Variants in SPIDR observed in about 807,000 individuals in gnomAD.
SPIDR encodes scaffold protein involved in DNA repair, also known as DNA repair-scaffolding protein.
A neutral mutation model predicts 104.6 loss-of-function variants in SPIDR; 93 were observed. That is an observed-to-expected ratio of 0.89 (90% CI 0.75 to 1.06). The LOEUF (loss-of-function observed/expected upper bound fraction) is 1.06. Ranked by LOEUF, SPIDR falls within the 50% of genes least tolerant of loss-of-function variation. The probability of loss-of-function intolerance (pLI) is 0.00; values close to 1 mark genes in which losing one functional copy is unlikely to be tolerated. For synonymous variants in SPIDR, 431 were observed against 416.9 expected (o/e 1.03, Z -0.41); for missense variants, 1,154 against 1,111.2 (o/e 1.04, Z -0.55).
At chr8:47,520,810 G>C (rs1260754730) in intron 8 of SPIDR, among the ~76,000 whole-genome samples, 1 of 152,184 alleles carries the variant, frequency 6.6e-6, no homozygotes, top group Non-Finnish European at 1.5e-5. Context: ...ACCCCATCTT[G>C]CCATCCTATG....
intron 5 of SPIDR, among the ~76,000 whole-genome samples, chr8:47,354,887 C>T (rs1216940353): frequency 2.0e-5 from 3 of 152,064 alleles, no homozygotes; most frequent in African/African-American, 4.8e-5. Flanking sequence ...AAATGATCCT[C>T]CTGCCTCGGC....
intron 10 of SPIDR, among the ~76,000 whole-genome samples, chr8:47,640,716 C>T (rs1325058387): frequency 6.6e-6 from 1 of 151,798 alleles, no homozygotes; most frequent in African/African-American, 2.4e-5. Context: ...CTCGCTCTAT[C>T]GCCCAGGCTG....
At chr8:47,374,449 A>T (rs2058416371) in intron 5 of SPIDR, among the ~76,000 whole-genome samples, 1 of 152,250 alleles carries the variant, frequency 6.6e-6, no homozygotes, top group Non-Finnish European at 1.5e-5. Flanking sequence ...ATTAAACTTT[A>T]TTGCCTAGAA....
intron 11 of SPIDR, among the ~76,000 whole-genome samples, chr8:47,688,745 A>G (rs1415657083): frequency 6.6e-6 from 1 of 152,248 alleles, no homozygotes; most frequent in Non-Finnish European, 1.5e-5. Context: ...TTCAATGGAT[A>G]GTGCTAAACT....
chr8:47,393,847 T>C (rs2060925005), intron 5 of SPIDR, among the ~76,000 whole-genome samples: 1 of 116,168 alleles, frequency 8.6e-6, no homozygotes, highest in African/African-American at 4.7e-5. Context: ...CCCTTTCCCT[T>C]CCTTCCTTCC....
At chr8:47,271,954 C>T (rs2035417116) in intron 1 of SPIDR, among the ~76,000 whole-genome samples, 1 of 151,996 alleles carries the variant, frequency 6.6e-6, no homozygotes, top group East Asian at 1.9e-4. Flanking sequence ...GCAGGCACCA[C>T]CACGCTGGGC....
intron 8 of SPIDR, among the ~76,000 whole-genome samples, chr8:47,519,498 C>T (rs2154379772): frequency 6.6e-6 from 1 of 152,274 alleles, no homozygotes; most frequent in East Asian, 1.9e-4. Flanking sequence ...TGGCTTTGGT[C>T]AAGCGCAGTG....
chr8:47,571,646 T>C (rs2058540537), intron 8 of SPIDR, among the ~76,000 whole-genome samples: 1 of 152,184 alleles, frequency 6.6e-6, no homozygotes, highest in Non-Finnish European at 1.5e-5. Flanking sequence ...TGCCGCCTTA[T>C]TCAAGGAGGA....
chr8:47,693,615 C>G (rs534997253), intron 11 of SPIDR, among the ~76,000 whole-genome samples: 1 of 152,138 alleles, frequency 6.6e-6, no homozygotes, highest in African/African-American at 2.4e-5. Context: ...CCACAGAGAA[C>G]AGACACATAG....
chr8:47,635,476 C>A (rs1038097631), intron 10 of SPIDR, among the ~76,000 whole-genome samples: 5 of 152,024 alleles, frequency 3.3e-5, no homozygotes, highest in Non-Finnish European at 4.4e-5. Flanking sequence ...TCTCTTGTAC[C>A]CCCATAAATA....
chr8:47,590,592 T>A (rs2060888840), intron 8 of SPIDR, among the ~76,000 whole-genome samples: 1 of 152,182 alleles, frequency 6.6e-6, no homozygotes, highest in South Asian at 2.1e-4. Context: ...GGCACATGCA[T>A]TTTGTGGGCA....
intron 10 of SPIDR, among the ~76,000 whole-genome samples, chr8:47,661,470 T>C (rs974349777): frequency 6.6e-5 from 10 of 152,382 alleles, no homozygotes; most frequent in African/African-American, 2.4e-4. Context: ...GTGGGTATTC[T>C]ATGGCAGGAC....
At position 47,599,012 on chromosome 8, in the gene SPIDR, C is replaced by A; in HGVS notation, c.1360C>A (p.Arg454Ser). ...WTHGHKEAKQRIPTSTPLRDS... is the reference protein window; with the variant it reads ...WTHGHKEAKQSIPTSTPLRDS... ...CCATGGGCACAAAGAAGCAAAACAGCGCATCCCAACCAGCACTCCCCTGAG... is the reference window on the plus strand; with the variant it reads ...CCATGGGCACAAAGAAGCAAAACAGAGCATCCCAACCAGCACTCCCCTGAG... Residue 454 changes from arginine to serine, a missense_variant, in exon 10 of 20, where the codon CGC (arginine) becomes AGC (serine). Coordinates refer to ENST00000297423, the MANE Select transcript of SPIDR (RefSeq NM_001080394.4). 1 of 1,613,408 alleles carries A rather than the reference C, an allele frequency of 6.2e-7. No individual in the cohort carries two copies. Among genetic ancestry groups the A allele is most frequent in the Non-Finnish European group, 8.5e-7 (1 of 1,179,642 alleles).
chr8:47,691,579 T>C (rs1174751591), intron 11 of SPIDR, among the ~76,000 whole-genome samples: 1 of 152,098 alleles, frequency 6.6e-6, no homozygotes. Context: ...TAGAAGAGGG[T>C]TTAAGTATGA....
Position 47,713,077 on chromosome 8 carries a change from C to G in SPIDR, c.2188+205C>G, listed in dbSNP as rs572326841. On this transcript the variant is annotated intron_variant, in intron 15 of 19. Coordinates refer to ENST00000297423, the MANE Select transcript of SPIDR (RefSeq NM_001080394.4). ...GGGCAGAACCAGCTCCATGGAGATG[C>G]TGTGCTCACTCCAGAATTGCCTGCT... 1.5e-5 allele frequency: 20 copies of G among 1,307,134 alleles called. No homozygotes were observed. In the African/African-American group the frequency reaches 3.0e-4, roughly 19 times the overall value. The allele number at this position is 1,307,134 out of a possible 1,614,324, so 81.0% of individuals were successfully genotyped here. A position where few individuals can be genotyped will look rare whatever the true frequency, so the allele number is the denominator to read the frequency against.
chr8:47,523,816 C>A (rs754886664), intron 8 of SPIDR, among the ~76,000 whole-genome samples: 2 of 152,174 alleles, frequency 1.3e-5, no homozygotes, highest in African/African-American at 2.4e-5. Flanking sequence ...GTGTGGTATG[C>A]ACCATTACAT....
rs587608928 is a variant in SPIDR, at chr8:47,314,142, A to T, written c.525+20112A>T. On this transcript the variant is annotated intron_variant, in intron 5 of 19. Coordinates refer to ENST00000297423, the MANE Select transcript of SPIDR (RefSeq NM_001080394.4). ...ATAAAGGATGAGTCTAGGTTGATGG[A>T]GCTGTGTGCTTACTGTGGTCTTTAT... 1.1e-4 allele frequency among the ~76,000 whole-genome samples: 17 copies of T among 152,322 alleles called. No homozygotes were observed. In the South Asian group the frequency reaches 3.3e-3, roughly 30 times the overall value.
chr8:47,315,664 CTG>C (rs1554588996), intron 5 of SPIDR, among the ~76,000 whole-genome samples: 3 of 152,084 alleles, frequency 2.0e-5, no homozygotes, highest in South Asian at 4.1e-4. Flanking sequence ...GTAATGAAGA[CTG>C]TGATATCAGC....
intron 8 of SPIDR, chr8:47,511,100 C>T (rs2082248314): frequency 2.9e-6 from 4 of 1,391,790 alleles, no homozygotes; most frequent in Non-Finnish European, 4.1e-6. Flanking sequence ...CTCTCGTCAG[C>T]CAGCTCTTTG....
Sources: allele counts gnomAD v4.1 joint callset (sites outside exome capture counted in the v4.1 genomes callset), GRCh38; gene constraint gnomAD v4.1.1; transcripts MANE v1.5; gene names NCBI Gene and HGNC (gene_info 2026-07-23, HGNC 2026-07-21).